The following TMEM255B variants were observed in gnomAD, a reference collection of about 807,000 sequenced individuals.
TMEM255B encodes the protein family with sequence similarity 70, member B.
In TMEM255B, 35 loss-of-function variants were observed where a neutral mutation model predicts 34.5. The observed-to-expected ratio is 1.01, with a 90% confidence interval of 0.77 to 1.34. The LOEUF is 1.34. TMEM255B is among the 40% of genes most tolerant of loss of function. The pLI is 0.00. For synonymous variants in TMEM255B, 206 were observed against 201.2 expected (o/e 1.02, Z -0.20); for missense variants, 432 against 433.2 (o/e 1.00, Z 0.02).
intron 3 of TMEM255B, among the ~76,000 whole-genome samples, chr13:113,794,039 G>C (rs1056779402): frequency 1.4e-4 from 21 of 152,254 alleles, no homozygotes; most frequent in Middle Eastern, 3.2e-3. Context: ...TTCTCTTTGG[G>C]TTGCGGGTGA....
Position 113,806,961 on chromosome 13 carries a change from T to C in TMEM255B, c.813+1933T>C, listed in dbSNP as rs1378334845. ...CGTGCAGCCCAGAGCATAGCCTCGG[T>C]GGCCCATGCTGTCTTCCATCCTCAA... On this transcript the variant is annotated intron_variant, in intron 8 of 8. Transcript: ENST00000375353. This position sits in a 1 kb window ranked among gnomAD's most constrained non-coding sequence, Gnocchi z 4.2. 1.3e-5 allele frequency among the ~76,000 whole-genome samples: 2 copies of C among 152,192 alleles called. No homozygotes were observed. Among genetic ancestry groups the C allele is most frequent in the Non-Finnish European group, 2.9e-5 (2 of 68,014 alleles).
In TMEM255B at chr13:113,788,773, G is replaced by A. The variant is rs114658292; in HGVS notation, c.253-6375G>A. ...CGCGCTTCTGGCCCTCACCATCGCCGTCACCTCCTGCCTGGGCCCTGCCGC... is the reference window on the plus strand; with the variant it reads ...CGCGCTTCTGGCCCTCACCATCGCCATCACCTCCTGCCTGGGCCCTGCCGC... On this transcript the variant is annotated intron_variant, in intron 3 of 8. Coordinates refer to ENST00000375353, the MANE Select transcript of TMEM255B (RefSeq NM_182614.4). Among the ~76,000 whole-genome samples the A allele has an allele frequency of 8.8e-3, 1,344 of 152,112 alleles. 16 individuals are homozygous for A. The highest frequency in any genetic ancestry group is 0.031 in the African/African-American group (1,302 of 41,478).
intron 5 of TMEM255B, among the ~76,000 whole-genome samples, chr13:113,800,427 T>A (rs2051030893): frequency 6.6e-6 from 1 of 151,642 alleles, no homozygotes. Flanking sequence ...TGCTCAAGCC[T>A]GGGGGGAGAG....
At chr13:113,782,191 G>T (rs1390540873) in intron 3 of TMEM255B, among the ~76,000 whole-genome samples, 1 of 151,620 alleles carries the variant, frequency 6.6e-6, no homozygotes, top group Non-Finnish European at 1.5e-5. Flanking sequence ...CTTATTTCCT[G>T]GTTTCTTTTA....
chr13:113,765,973 G>C, intron 1 of TMEM255B, 142 bp from the exon 2 acceptor site: 1 of 988,440 alleles, frequency 1.0e-6, no homozygotes, highest in East Asian at 2.5e-5. Context: ...GTTGGGGGTG[G>C]TCCCCTGAGG....
At chr13:113,781,214 C>T (rs866420543) in intron 3 of TMEM255B, among the ~76,000 whole-genome samples, 1 of 152,138 alleles carries the variant, frequency 6.6e-6, no homozygotes, top group Non-Finnish European at 1.5e-5. Context: ...GGCTAGTGCT[C>T]TAAGAGAAAC....
At chr13:113,772,218 A>G (rs2050490142) in intron 3 of TMEM255B, among the ~76,000 whole-genome samples, 1 of 152,188 alleles carries the variant, frequency 6.6e-6, no homozygotes, top group Non-Finnish European at 1.5e-5. Context: ...CATCAGAGTC[A>G]TTTATGTATT....
At chr13:113,775,006 A>T (rs1748049250) in intron 3 of TMEM255B, among the ~76,000 whole-genome samples, 1 of 148,184 alleles carries the variant, frequency 6.7e-6, no homozygotes, top group Admixed American at 6.7e-5. Context: ...CACACACTCC[A>T]CACAATACAC....
rs2140806420 is a variant in TMEM255B, at chr13:113,769,305, C to T, written c.252+145C>T. ...AGCTCTGAGGTTCCCGGGCTGTGGC[C>T]TGCACAGTCCTGGATACAGGGTTCA... is the stretch of plus-strand genomic sequence containing the variant. On this transcript the variant is annotated intron_variant, in intron 3 of 8. Coordinates refer to ENST00000375353, the MANE Select transcript of TMEM255B (RefSeq NM_182614.4). The surrounding 1 kb of genome is among the most constrained non-coding windows in gnomAD (Gnocchi z 4.2). 2.5e-6 allele frequency: 2 copies of T among 816,108 alleles called. No individual in the cohort carries two copies. Among genetic ancestry groups the T allele is most frequent in the Non-Finnish European group, 4.1e-6 (2 of 490,722 alleles). The allele number at this position is 816,108 out of a possible 1,614,324, so 50.6% of individuals were successfully genotyped here. A position where few individuals can be genotyped will look rare whatever the true frequency, so the allele number is the denominator to read the frequency against.
intron 8 of TMEM255B, among the ~76,000 whole-genome samples, chr13:113,810,045 C>T (rs1019068438): frequency 6.6e-6 from 1 of 152,200 alleles, no homozygotes; most frequent in Non-Finnish European, 1.5e-5. Context: ...GCCTTACCTA[C>T]ACCTGTGCAG....
Position 113,766,107 on chromosome 13 carries a change from C to G in TMEM255B, c.47-8C>G, listed in dbSNP as rs1373266709. ...CTCACTGACAGGTCCTCGCCTTCCT[C>G]CCCACAGAAGGGCTTTCGAGGAGGA... On this transcript the variant is annotated splice_polypyrimidine_tract_variant and splice_region_variant and intron_variant, in intron 1 of 8. Transcript: ENST00000375353. 1.2e-6 allele frequency: 2 copies of G among 1,613,976 alleles called. No individual in the cohort carries two copies. The highest frequency in any genetic ancestry group is 2.2e-5 in the South Asian group (2 of 91,084).
intron 6 of TMEM255B, among the ~76,000 whole-genome samples, chr13:113,801,426 C>T (rs2051058202): frequency 1.3e-5 from 2 of 152,176 alleles, no homozygotes; most frequent in Admixed American, 6.5e-5. Context: ...CCCGCCAGGC[C>T]CAGTTGCCGC....
In TMEM255B at chr13:113,775,361, C is replaced by T. The variant is rs546821603; in HGVS notation, c.252+6201C>T. 4.6e-5 allele frequency among the ~76,000 whole-genome samples: 7 copies of T among 152,370 alleles called. 1 individual carries two copies. In the South Asian group the frequency reaches 6.2e-4, roughly 14 times the overall value. On this transcript the variant is annotated intron_variant, in intron 3 of 8. Transcript: ENST00000375353. ...TAGCTTCTGCTCAGGGCCTCGCTGTCGTGGGAGCCCCATCAGCCTTCCTGG... is the reference window on the plus strand; with the variant it reads ...TAGCTTCTGCTCAGGGCCTCGCTGTTGTGGGAGCCCCATCAGCCTTCCTGG...
intron 2 of TMEM255B, among the ~76,000 whole-genome samples, chr13:113,767,495 T>C (rs1308737543): frequency 6.6e-6 from 1 of 152,264 alleles, no homozygotes; most frequent in Non-Finnish European, 1.5e-5. Context: ...GTGGTTGTTT[T>C]TTTTGGTTTG....
chr13:113,812,943 G>GGACAGGTCTCGGGTGGATCACA lies in TMEM255B; in HGVS notation c.*1041_*1042insACAGGTCTCGGGTGGATCACAG, dbSNP rs1566342025. On this transcript the variant is annotated 3_prime_UTR_variant, in exon 9 of 9. Coordinates refer to ENST00000375353, the MANE Select transcript of TMEM255B (RefSeq NM_182614.4). ...GAGTCACGGGTCCCGGGTGGGTCAC[G>GGACAGGTCTCGGGTGGATCACA]GGTCCCGGGTGGGTCACGGGCCCCG... 8.7e-6 allele frequency: 1 copy of GGACAGGTCTCGGGTGGATCACA among 114,764 alleles called. No individual in the cohort carries two copies. Among genetic ancestry groups the GGACAGGTCTCGGGTGGATCACA allele is most frequent in the African/African-American group, 4.1e-5 (1 of 24,234 alleles). The allele number at this position is 114,764 out of a possible 1,614,324, so 7.1% of individuals were successfully genotyped here. A position where few individuals can be genotyped will look rare whatever the true frequency, so the allele number is the denominator to read the frequency against.
At position 113,805,014 on chromosome 13, in the gene TMEM255B, C is replaced by T. The variant is rs766990084; in HGVS notation, c.799C>T (p.Pro267Ser). The change falls in exon 8 of 9, where the codon CCT becomes TCT. Residue 267 changes from proline (P) to serine (S), a missense_variant. By Grantham distance (74) the Pro-to-Ser change is moderately conservative. Transcript: ENST00000375353. ...PEPVPTCSSYPLPLQPCSRFP... is the reference protein window; with the variant it reads ...PEPVPTCSSYSLPLQPCSRFP... ...GCCCGTCCCGACCTGCTCGTCCTAC[C>T]CTCTGCCCCTTCAGGTAGGGCCAGC... The T allele has an allele frequency of 1.2e-6, 2 of 1,601,838 alleles. No individual in the cohort carries two copies. Among genetic ancestry groups the T allele is most frequent in the African/African-American group, 1.3e-5 (1 of 74,938 alleles).
rs113903587 is a variant in TMEM255B, at chr13:113,781,417, G to A, written c.252+12257G>A. ...AATCTAGGCAAAAATTCACATTCCCGTGCCTCCTTATAATCTTTTTACCAA... is the reference window on the plus strand; with the variant it reads ...AATCTAGGCAAAAATTCACATTCCCATGCCTCCTTATAATCTTTTTACCAA... On this transcript the variant is annotated intron_variant, in intron 3 of 8. Coordinates refer to ENST00000375353, the MANE Select transcript of TMEM255B (RefSeq NM_182614.4). Among the ~76,000 whole-genome samples the A allele has an allele frequency of 5.7e-3, 860 of 152,114 alleles. 14 individuals carry two copies. The highest frequency in any genetic ancestry group is 0.02 in the African/African-American group (813 of 41,474).
chr13:113,763,317 T>C (rs1281611060), intron 1 of TMEM255B, among the ~76,000 whole-genome samples: 5 of 152,238 alleles, frequency 3.3e-5, no homozygotes, highest in Admixed American at 2.0e-4. Context: ...TTTGTGTCCA[T>C]TTTTAAAAAG....
chr13:113,810,780 T>G (rs7336717), intron 8 of TMEM255B, among the ~76,000 whole-genome samples: 13,530 of 152,236 alleles, frequency 0.089, 699 homozygotes, highest in Admixed American at 0.14. Context: ...CACCTGAAGA[T>G]GCCTCCACGG....
Sources: allele counts gnomAD v4.1 joint callset (sites outside exome capture counted in the v4.1 genomes callset), GRCh38; gene constraint gnomAD v4.1.1; non-coding constraint Gnocchi (gnomAD v3.1); transcripts MANE v1.5; gene names NCBI Gene and HGNC (gene_info 2026-07-23, HGNC 2026-07-21).